PLD1: variants seen among roughly 807,000 people sequenced by gnomAD.
The protein encoded by PLD1 is phospholipase D1.
PLD1 carries 112 observed loss-of-function variants against 137.1 expected under a neutral mutation model. The observed-to-expected ratio is 0.82, with a 90% CI of 0.70 to 0.96. The LOEUF is 0.96. Ranked by LOEUF, PLD1 falls within the 40% of genes least tolerant of loss-of-function variation. The probability of loss-of-function intolerance (pLI) is 0.00; values close to 1 mark genes in which losing one functional copy is unlikely to be tolerated. For synonymous variants in PLD1, 431 were observed against 454.7 expected, an observed-to-expected ratio of 0.95 and a Z score of 0.66; for missense variants, 1,321 against 1,342.0, an observed-to-expected ratio of 0.98 and a Z score of 0.24.
At chr3:171,605,505 C>A in intron 25 of PLD1, 89 bp from the exon 26 acceptor site, 1 of 758,204 alleles carries the variant, frequency 1.3e-6, no homozygotes, top group Non-Finnish European at 2.4e-6. Context: ...TCTATATATG[C>A]AAATATATAT....
At chr3:171,772,232 G>C (rs570011429) in intron 1 of PLD1, among the ~76,000 whole-genome samples, 4 of 152,206 alleles carry the variant, frequency 2.6e-5, no homozygotes, top group South Asian at 4.1e-4. Flanking sequence ...CTAATGGCTT[G>C]TTGCCATGAT....
chr3:171,603,338 T>A (rs1731965186), intron 26 of PLD1, 36 bp from the exon 27 acceptor site: 2 of 1,472,312 alleles, frequency 1.4e-6, no homozygotes, highest in Non-Finnish European at 1.9e-6. Context: ...GAGTGAAAAG[T>A]TTAAAAGCGA....
intron 1 of PLD1, among the ~76,000 whole-genome samples, chr3:171,753,838 C>G (rs1720833845): frequency 6.6e-6 from 1 of 152,184 alleles, no homozygotes; most frequent in Non-Finnish European, 1.5e-5. Flanking sequence ...CCGCTTCTCT[C>G]TCCCTGTGAT....
chr3:171,800,326 A>T (rs930037166), intron 1 of PLD1, among the ~76,000 whole-genome samples: 6 of 152,046 alleles, frequency 3.9e-5, no homozygotes, highest in African/African-American at 1.5e-4. Context: ...GTCCTGCCTC[A>T]GCCTCCCAAG....
rs1283856006 is a variant in PLD1 at position 171,677,190 on chromosome 3, A to G, written c.1997-357T>C. 2.0e-5 allele frequency among the ~76,000 whole-genome samples: 3 copies of G among 152,312 alleles called. No homozygotes were observed. The East Asian group carries it at 5.8e-4, about 29-fold the overall frequency. ...CAATGCCATCTCTATCTCCTCTTAA[A>G]CATATAAACCCAGTGATAACCTGAA... On this transcript the variant is annotated intron_variant, in intron 17 of 26. Coordinates refer to ENST00000351298, the MANE Select transcript of PLD1 (RefSeq NM_002662.5).
At position 171,674,590 on chromosome 3, in the gene PLD1, G is replaced by A. The variant is rs757470311; in HGVS notation, c.2139C>T (p.Ser713=). ...TTGGAAGCAGAAAAGGATAAGAAAG[G>A]GACCGATATTTTGATTTCATAATCT... is the stretch of plus-strand genomic sequence containing the variant. The part of the protein sequence containing the change: ...FTKIMKSKYR[S]LSYPFLLPKS... Residue 713 remains serine (S), a synonymous_variant, in exon 19 of 27, where the codon TCC becomes TCT. Transcript: ENST00000351298. The A allele has an allele frequency of 1.9e-6, 3 of 1,590,496 alleles. No homozygotes were observed. Among genetic ancestry groups the A allele is most frequent in the Non-Finnish European group, 2.6e-6 (3 of 1,160,018 alleles).
At chr3:171,785,450 T>C (rs1358525550) in intron 1 of PLD1, among the ~76,000 whole-genome samples, 1 of 152,056 alleles carries the variant, frequency 6.6e-6, no homozygotes, top group African/African-American at 2.4e-5. Flanking sequence ...ATTTTTTTTT[T>C]TTTTTTTAGA....
At chr3:171,643,919 T>C (rs968792649) in intron 22 of PLD1, among the ~76,000 whole-genome samples, 2 of 151,906 alleles carry the variant, frequency 1.3e-5, no homozygotes, top group African/African-American at 2.4e-5. Context: ...GATACAAGCT[T>C]GAAACATCAG....
Position 171,612,300 on chromosome 3 carries a change from C to G in PLD1, c.2861G>C (p.Gly954Ala). 1 of 1,614,058 alleles carries G rather than the reference C, an allele frequency of 6.2e-7. No individual in the cohort carries two copies. The highest frequency in any genetic ancestry group is 8.5e-7 in the Non-Finnish European group (1 of 1,179,968). Residue 954 changes from glycine to alanine, a missense_variant, in exon 25 of 27, where the codon GGA (glycine) becomes GCA (alanine). Gly to Ala is a moderately conservative substitution (Grantham distance 60). Transcript: ENST00000351298. The surrounding 1 kb of genome is among the most constrained non-coding windows in gnomAD (Gnocchi z 4.1). Reference sequence around the variant, plus strand: ...TGACCTAAAGCACTGTAGCCGAAGTCCTCGGGCAAACCGGCCAGCTTGGTA... The same window carrying G: ...TGACCTAAAGCACTGTAGCCGAAGTGCTCGGGCAAACCGGCCAGCTTGGTA... ...KEYQAGRFAR[G>A]LRLQCFRVVL...
chr3:171,605,706 CT>C (rs1375378245), intron 25 of PLD1, among the ~76,000 whole-genome samples: 3 of 152,132 alleles, frequency 2.0e-5, no homozygotes, highest in African/African-American at 7.2e-5. Flanking sequence ...TTAGAGAAGG[CT>C]TTAGGATTAA....
intron 26 of PLD1, 111 bp downstream of exon 26, chr3:171,605,188 T>C: frequency 1.3e-6 from 1 of 748,696 alleles, no homozygotes; most frequent in Non-Finnish European, 2.4e-6. Flanking sequence ...GTATTAGCTT[T>C]TTTACGTTTA....
At position 171,737,635 on chromosome 3, in the gene PLD1, T is replaced by G; in HGVS notation, c.185A>C (p.Tyr62Ser). Reference sequence around the variant, plus strand: ...AGGCTCCTTAAATCCTTGAGTGTTATAAATAGCAGAGAAAGGGATATACAC... The same window carrying G: ...AGGCTCCTTAAATCCTTGAGTGTTAGAAATAGCAGAGAAAGGGATATACAC... ...QEVYIPFSAI[Y>S]NTQGFKEPNI... Residue 62 changes from tyrosine to serine, a missense_variant, in exon 3 of 27, where the codon TAT becomes TCT. Physicochemically the swap from Tyr to Ser is moderately radical, Grantham distance 144. Transcript: ENST00000351298. 6.3e-7 allele frequency: 1 copy of G among 1,576,364 alleles called. No individual in the cohort carries two copies. The highest frequency in any genetic ancestry group is 8.7e-7 in the Non-Finnish European group (1 of 1,148,844).
chr3:171,716,581 T>C (rs538837805), intron 8 of PLD1, among the ~76,000 whole-genome samples: 1 of 152,244 alleles, frequency 6.6e-6, no homozygotes, highest in Non-Finnish European at 1.5e-5. Flanking sequence ...CACTTTTTAA[T>C]GGAATTTTTT....
chr3:171,689,452 AGCTTTG>A (rs541331296), intron 13 of PLD1, among the ~76,000 whole-genome samples: 134 of 152,200 alleles, frequency 8.8e-4, no homozygotes, highest in African/African-American at 3.1e-3. Flanking sequence ...AGATTACAAA[AGCTTTG>A]GCAACTACTT....
chr3:171,676,139 G>C (rs566400581), intron 18 of PLD1, among the ~76,000 whole-genome samples: 18 of 152,142 alleles, frequency 1.2e-4, no homozygotes, highest in Non-Finnish European at 2.6e-4. Flanking sequence ...ACCGTGCCTG[G>C]CCTGAATGAT....
chr3:171,645,663 C>T (rs1736140427), intron 21 of PLD1, among the ~76,000 whole-genome samples: 1 of 151,532 alleles, frequency 6.6e-6, no homozygotes, highest in South Asian at 2.1e-4. Context: ...GGCAGGTGGA[C>T]CACGAGGTCA....
chr3:171,645,729 A>T (rs534251705), intron 21 of PLD1, among the ~76,000 whole-genome samples: 1 of 151,772 alleles, frequency 6.6e-6, no homozygotes, highest in South Asian at 2.1e-4. Flanking sequence ...CTAAATATAC[A>T]AAAAATTAGC....
chr3:171,647,966 T>C (rs1268398133), intron 21 of PLD1, among the ~76,000 whole-genome samples: 1 of 152,196 alleles, frequency 6.6e-6, no homozygotes, highest in Non-Finnish European at 1.5e-5. Flanking sequence ...ATTAGAATCA[T>C]ACAATACTTG....
rs1731771053 is a variant in PLD1 at position 171,600,526 on chromosome 3, TTAAAGA to T, written c.*2546_*2551del. On this transcript the variant is annotated 3_prime_UTR_variant, in exon 27 of 27. Transcript: ENST00000351298. ...AAAAAGTTTATCAGATATTGCAATG[TTAAAGA>T]TAAATTATTTGAACTTCTAGTAGGT... is the stretch of plus-strand genomic sequence containing the variant. 1 of 152,222 alleles carries T rather than the reference TTAAAGA, an allele frequency of 6.6e-6. No homozygotes were observed. The highest frequency in any genetic ancestry group is 1.5e-5 in the Non-Finnish European group (1 of 68,038). 9.4% of individuals were successfully genotyped at this position (152,222 alleles called of 1,614,324 possible). A position where few individuals can be genotyped will look rare whatever the true frequency, so the allele number is the denominator to read the frequency against.
Sources: allele counts gnomAD v4.1 joint callset (sites outside exome capture counted in the v4.1 genomes callset), GRCh38; gene constraint gnomAD v4.1.1; non-coding constraint Gnocchi (gnomAD v3.1); transcripts MANE v1.5; gene names NCBI Gene and HGNC (gene_info 2026-07-23, HGNC 2026-07-21).